The following KIF2A variants were observed in gnomAD, a reference collection of about 807,000 sequenced individuals.
KIF2A encodes the protein kinesin family member 2A.
Under a neutral mutation model 100.2 loss-of-function variants are expected in KIF2A, and 22 were observed. The observed-to-expected ratio is 0.22, with a 90% CI of 0.16 to 0.31. The LOEUF is 0.31. Ranked by LOEUF, KIF2A falls within the 10% of genes least tolerant of loss-of-function variation. The pLI is 1.00. For synonymous variants in KIF2A, 268 were observed against 285.9 expected, an observed-to-expected ratio of 0.94 and a Z score of 0.63; for missense variants, 495 against 898.7, an observed-to-expected ratio of 0.55 and a Z score of 5.74.
chr5:62,347,270 T>G, intron 2 of KIF2A, 46 bp downstream of exon 2: 1 of 990,730 alleles, frequency 1.0e-6, no homozygotes, highest in Non-Finnish European at 1.5e-6. Context: ...GCAATCAAGA[T>G]TCTGAATATA....
intron 1 of KIF2A, chr5:62,306,831 T>C: frequency 7.6e-6 from 3 of 395,724 alleles, no homozygotes; most frequent in South Asian, 3.6e-5. Context: ...CGCTCGCTCC[T>C]CCTCCCGCAA....
chr5:62,324,042 T>A (rs923929130), intron 1 of KIF2A, among the ~76,000 whole-genome samples: 15 of 143,234 alleles, frequency 1.0e-4, no homozygotes, highest in East Asian at 2.0e-4. Flanking sequence ...TCAAAAAAAA[T>A]AAAATAAATA....
rs1456328939 is a variant in KIF2A at position 62,346,151 on chromosome 5, AT to A, written c.65-976del. Among the ~76,000 whole-genome samples, 3 of 152,092 alleles carry A rather than the reference AT, an allele frequency of 2.0e-5. No individual in the cohort carries two copies. In the East Asian group the frequency reaches 5.8e-4, roughly 29 times the overall value. On this transcript the variant is annotated intron_variant, in intron 1 of 20. Coordinates refer to ENST00000407818, the MANE Select transcript of KIF2A (RefSeq NM_001098511.3). Reference sequence around the variant, plus strand: ...TATTATGTAATAATTAAAAATAATTATTTAGCTCTGTAGTTATTATCAGATA... The same window carrying A: ...TATTATGTAATAATTAAAAATAATTATTAGCTCTGTAGTTATTATCAGATA...
At chr5:62,351,980 C>A (rs1256543756) in intron 4 of KIF2A, among the ~76,000 whole-genome samples, 1 of 151,920 alleles carries the variant, frequency 6.6e-6, no homozygotes, top group African/African-American at 2.4e-5. Flanking sequence ...ATGGTGAAAC[C>A]TCGTCTCTAC....
intron 12 of KIF2A, among the ~76,000 whole-genome samples, chr5:62,362,911 C>G (rs1269190267): frequency 6.6e-6 from 1 of 152,186 alleles, no homozygotes. Context: ...ACTGTAGCTT[C>G]AATCTCCTGA....
intron 1 of KIF2A, among the ~76,000 whole-genome samples, chr5:62,326,971 A>G (rs1023449984): frequency 6.6e-6 from 1 of 152,182 alleles, no homozygotes; most frequent in African/African-American, 2.4e-5. Flanking sequence ...CCTCAAAGAA[A>G]AAACAAAAAC....
At position 62,365,223 on chromosome 5, in the gene KIF2A, C is replaced by T; in HGVS notation, c.1468-20C>T. 7.9e-7 allele frequency: 1 copy of T among 1,269,806 alleles called. No individual in the cohort carries two copies. Among genetic ancestry groups the T allele is most frequent in the Non-Finnish European group, 1.1e-6 (1 of 890,202 alleles). 78.7% of individuals were successfully genotyped at this position (1,269,806 alleles called of 1,614,324 possible). ...TTATAAGAAAGACTAATCTGTGAGA[C>T]TTGTTTTCTTAATTTTCAGGAGTGC... On this transcript the variant is annotated intron_variant, in intron 14 of 20. Transcript: ENST00000407818.
At position 62,363,290 on chromosome 5, in the gene KIF2A, T is replaced by G; in HGVS notation, c.1232T>G (p.Leu411Arg). The G allele has an allele frequency of 6.2e-7, 1 of 1,613,284 alleles. No individual in the cohort carries two copies. The highest frequency in any genetic ancestry group is 8.5e-7 in the Non-Finnish European group (1 of 1,179,608). The change falls in exon 13 of 21, where the codon CTG (leucine) becomes CGG (arginine). Residue 411 changes from leucine (L) to arginine (R), a missense_variant. Coordinates refer to ENST00000407818, the MANE Select transcript of KIF2A (RefSeq NM_001098511.3). ...GAGGTCAAATGTGTTGAAGATGTAC[T>G]GAAACTCATTGACATAGGCAACAGT... is the stretch of plus-strand genomic sequence containing the variant. ...EREVKCVEDVLKLIDIGNSCR... is the reference protein window; with the variant it reads ...EREVKCVEDVRKLIDIGNSCR...
Position 62,366,426 on chromosome 5 carries a change from T to G in KIF2A, c.1591T>G (p.Ser531Ala). 1 of 1,576,822 alleles carries G rather than the reference T, an allele frequency of 6.3e-7. No homozygotes were observed. The highest frequency in any genetic ancestry group is 8.6e-7 in the Non-Finnish European group (1 of 1,156,730). ...NSRTCMIATI[S>A]PGMASCENTL... ...TTTTTTCCTGTAGATTGCCACAATC[T>G]CTCCAGGAATGGCATCCTGTGAAAA... Residue 531 changes from serine to alanine, a missense_variant, in exon 16 of 21, where the codon TCT (serine) becomes GCT (alanine). Transcript: ENST00000407818.
rs772431923 is a variant in KIF2A at position 62,372,549 on chromosome 5, C to G, written c.1758C>G (p.Thr586=). The change falls in exon 17 of 21, where the codon ACC becomes ACG. Residue 586 remains threonine, a splice_region_variant and synonymous_variant. Coordinates refer to ENST00000407818, the MANE Select transcript of KIF2A (RefSeq NM_001098511.3). ...ATGACGACTTTTCTCCTTCAGTTAC[C>G]AGGTCTACTTCATTCTATACATAAG... The part of the protein sequence containing the change: ...YEYDDFSPSV[T]RVKELTVDPT... 6.6e-7 allele frequency: 1 copy of G among 1,523,782 alleles called. No individual in the cohort carries two copies. The highest frequency in any genetic ancestry group is 1.4e-5 in the African/African-American group (1 of 73,282). 94.4% of individuals were successfully genotyped at this position (1,523,782 alleles called of 1,614,324 possible).
Position 62,348,120 on chromosome 5 carries a change from A to G in KIF2A, c.232A>G (p.Thr78Ala). The G allele has an allele frequency of 6.2e-7, 1 of 1,613,830 alleles. No individual in the cohort carries two copies. Among genetic ancestry groups the G allele is most frequent in the Non-Finnish European group, 8.5e-7 (1 of 1,179,826 alleles). The stretch of plus-strand genomic sequence containing the variant: ...TGAAGAAATTGAACCCAGTCCAGAA[A>G]CACCTCCACCTCCAGCATCCTCAGC... ...PDEEIEPSPE[T>A]PPPPASSAKV... Residue 78 changes from threonine to alanine, a missense_variant, in exon 3 of 21, where the codon ACA becomes GCA. Thr to Ala is a moderately conservative substitution (Grantham distance 58). This residue lies in a region of KIF2A where 115 missense variants were observed against 143.6 expected (regional missense o/e 0.80). Coordinates refer to ENST00000407818, the MANE Select transcript of KIF2A (RefSeq NM_001098511.3).
In KIF2A at chr5:62,355,161, C is replaced by T. The variant is rs1330714767; in HGVS notation, c.561C>T (p.Asp187=). The change falls in exon 7 of 21, where the codon GAC becomes GAT. Residue 187 remains aspartate (D), a splice_region_variant and synonymous_variant. Coordinates refer to ENST00000407818, the MANE Select transcript of KIF2A (RefSeq NM_001098511.3). ...GAATTCTCTCTGTCTTCTAATAGGA[C>T]GTTGATGCTACAAACCCAAATTATG... ...QQELREKRAQ[D]VDATNPNYEI... The T allele has an allele frequency of 8.2e-6, 12 of 1,456,696 alleles. No homozygotes were observed. Among genetic ancestry groups the T allele is most frequent in the African/African-American group, 5.6e-5 (4 of 71,554 alleles). The allele number at this position is 1,456,696 out of a possible 1,614,324, so 90.2% of individuals were successfully genotyped here.
At chr5:62,328,196 A>AT (rs1561253805) in intron 1 of KIF2A, among the ~76,000 whole-genome samples, 1 of 147,752 alleles carries the variant, frequency 6.8e-6, no homozygotes, top group Non-Finnish European at 1.5e-5. Context: ...TTTGGTATAT[A>AT]TTCTGTTATC....
At chr5:62,376,277 C>T (rs1172448977) in intron 18 of KIF2A, among the ~76,000 whole-genome samples, 2 of 152,140 alleles carry the variant, frequency 1.3e-5, no homozygotes, top group African/African-American at 2.4e-5. Context: ...ATTATCTTGC[C>T]ATGACTCAGC....
chr5:62,375,837 C>G (rs1042922250), intron 18 of KIF2A, among the ~76,000 whole-genome samples: 1 of 152,208 alleles, frequency 6.6e-6, no homozygotes, highest in Admixed American at 6.5e-5. Flanking sequence ...GAACATCATA[C>G]AGTGCACAGG....
At chr5:62,317,402 A>G (rs975724402) in intron 1 of KIF2A, among the ~76,000 whole-genome samples, 1 of 152,232 alleles carries the variant, frequency 6.6e-6, no homozygotes, top group East Asian at 1.9e-4. Flanking sequence ...TTAGTGAGGT[A>G]CATCTTAGAA....
At chr5:62,327,275 T>C (rs1428088404) in intron 1 of KIF2A, among the ~76,000 whole-genome samples, 1 of 152,182 alleles carries the variant, frequency 6.6e-6, no homozygotes, top group Non-Finnish European at 1.5e-5. Context: ...TTTGCAAACT[T>C]TTTTTCATTA....
intron 7 of KIF2A, 147 bp from the exon 8 acceptor site, chr5:62,357,544 T>G (rs1748179255): frequency 6.3e-6 from 3 of 472,736 alleles, no homozygotes; most frequent in Non-Finnish European, 1.1e-5. Context: ...TTAAAATTTG[T>G]GCAAAGCTAA....
At chr5:62,313,766 TA>T (rs1745671334) in intron 1 of KIF2A, among the ~76,000 whole-genome samples, 1 of 152,100 alleles carries the variant, frequency 6.6e-6, no homozygotes, top group African/African-American at 2.4e-5. Flanking sequence ...ATTTGAGTTA[TA>T]AGTTTATAAC....
Sources: allele counts gnomAD v4.1 joint callset (sites outside exome capture counted in the v4.1 genomes callset), GRCh38; gene constraint gnomAD v4.1.1; regional missense constraint gnomAD v4.1.1; transcripts MANE v1.5; gene names NCBI Gene and HGNC (gene_info 2026-07-23, HGNC 2026-07-21).